Variants in LPP observed in about 807,000 individuals in gnomAD.
The protein encoded by LPP is LIM domain containing preferred translocation partner in lipoma, also known as lipoma-preferred partner.
A neutral mutation model predicts 60.4 loss-of-function variants in LPP; 38 were observed. That is an observed-to-expected ratio of 0.63 (90% CI 0.49 to 0.83). LPP has a LOEUF of 0.83. Among genes scored for constraint, LPP ranks in the 40% least tolerant of loss-of-function variants. The pLI, the probability that LPP is intolerant of heterozygous loss-of-function variation, is 0.00. For missense variants in LPP, 902 were observed against 783.6 expected (o/e 1.15, Z -1.80); for synonymous variants, 328 against 290.8 (o/e 1.13, Z -1.30).
intron 7 of LPP, among the ~76,000 whole-genome samples, chr3:188,685,444 G>T (rs188240634): frequency 6.6e-6 from 1 of 152,272 alleles, no homozygotes; most frequent in East Asian, 1.9e-4. Flanking sequence ...GGGTGTACAC[G>T]TAAGTAGAAG....
chr3:188,201,665 C>G (rs1363291374), intron 1 of LPP, among the ~76,000 whole-genome samples: 1 of 152,104 alleles, frequency 6.6e-6, no homozygotes, highest in Non-Finnish European at 1.5e-5. Flanking sequence ...TGAGATCATA[C>G]CACTGCACTC....
chr3:188,361,949 A>T (rs1311487343), intron 3 of LPP, among the ~76,000 whole-genome samples: 1 of 152,194 alleles, frequency 6.6e-6, no homozygotes, highest in Admixed American at 6.5e-5. Context: ...AGGAATAAAA[A>T]TATGGCTAAA....
intron 10 of LPP, among the ~76,000 whole-genome samples, chr3:188,867,792 C>T (rs1277223017): frequency 2.0e-5 from 3 of 152,120 alleles, no homozygotes; most frequent in Non-Finnish European, 4.4e-5. Flanking sequence ...TATTGCTCAC[C>T]AGGTTGGGTA....
intron 6 of LPP, among the ~76,000 whole-genome samples, chr3:188,583,663 G>A (rs1249127969): frequency 6.6e-6 from 1 of 152,120 alleles, no homozygotes; most frequent in African/African-American, 2.4e-5. Flanking sequence ...AAACTTCTTA[G>A]TCTCAGCTGC....
chr3:188,575,169 A>G (rs1834345231), intron 6 of LPP, among the ~76,000 whole-genome samples: 1 of 152,128 alleles, frequency 6.6e-6, no homozygotes, highest in African/African-American at 2.4e-5. Flanking sequence ...CAGTAATAAC[A>G]TGAGCACTGC....
Position 188,885,727 on chromosome 3 carries a change from A to G in LPP, c.*11248A>G, listed in dbSNP as rs1434284951. The G allele has an allele frequency of 6.6e-6, 1 of 152,398 alleles. No homozygotes were observed. Among genetic ancestry groups the G allele is most frequent in the African/African-American group, 2.4e-5 (1 of 41,442 alleles). The allele number at this position is 152,398 out of a possible 1,614,324, so 9.4% of individuals were successfully genotyped here. ...AGGAATCTCCACACTGACTTCCACAATGGTTGAACTAGTTCACAGTCCCAC... is the reference window on the plus strand; with the variant it reads ...AGGAATCTCCACACTGACTTCCACAGTGGTTGAACTAGTTCACAGTCCCAC... On this transcript the variant is annotated 3_prime_UTR_variant, in exon 12 of 12. Transcript: ENST00000617246.
intron 3 of LPP, among the ~76,000 whole-genome samples, chr3:188,392,442 ACT>A (rs1430445889): frequency 6.6e-6 from 1 of 152,152 alleles, no homozygotes; most frequent in African/African-American, 2.4e-5. Context: ...CCCTCGCTGC[ACT>A]GTTTTGACCC....
intron 7 of LPP, among the ~76,000 whole-genome samples, chr3:188,634,690 A>G (rs1351071130): frequency 6.6e-6 from 1 of 152,210 alleles, no homozygotes; most frequent in African/African-American, 2.4e-5. Flanking sequence ...TCCTTATGAG[A>G]ATCTAATGCC....
intron 5 of LPP, among the ~76,000 whole-genome samples, chr3:188,522,555 A>C (rs1819171683): frequency 6.6e-6 from 1 of 152,076 alleles, no homozygotes. Context: ...TAGGTCTTGA[A>C]AGAGAGTCCA....
At chr3:188,657,665 T>C (rs1353753036) in intron 7 of LPP, among the ~76,000 whole-genome samples, 1 of 152,064 alleles carries the variant, frequency 6.6e-6, no homozygotes, top group Non-Finnish European at 1.5e-5. Context: ...CTTCATGATA[T>C]CCATAGTTTG....
Position 188,745,387 on chromosome 3 carries a change from TC to T in LPP, c.1241-14725del, listed in dbSNP as rs1177620946. 8.5e-5 allele frequency among the ~76,000 whole-genome samples: 13 copies of T among 152,290 alleles called. No individual in the cohort carries two copies. The East Asian group carries it at 2.1e-3, about 25-fold the overall frequency. On this transcript the variant is annotated intron_variant, in intron 8 of 11. Coordinates refer to ENST00000617246, the MANE Select transcript of LPP (RefSeq NM_001375462.1). ...AAATGTTAAATTGAGTTAATTATTT[TC>T]AATCTTACAGGAAGTTACATAAGTC...
At chr3:188,534,045 C>T (rs970174356) in intron 6 of LPP, among the ~76,000 whole-genome samples, 11 of 152,138 alleles carry the variant, frequency 7.2e-5, no homozygotes, top group African/African-American at 2.7e-4. Context: ...TTGCATTGCA[C>T]CTCTACAAAG....
intron 4 of LPP, among the ~76,000 whole-genome samples, chr3:188,441,623 T>C (rs1428163341): frequency 8.5e-5 from 9 of 106,410 alleles, no homozygotes; most frequent in South Asian, 3.2e-4. Flanking sequence ...TTTTTTTTTT[T>C]TTTTTTTTTT....
chr3:188,285,079 CG>C (rs1444298120), intron 2 of LPP, among the ~76,000 whole-genome samples: 1 of 152,054 alleles, frequency 6.6e-6, no homozygotes, highest in Non-Finnish European at 1.5e-5. Flanking sequence ...TTGTGAGTCC[CG>C]GCCCTGCTTT....
chr3:188,522,544 C>G (rs983985283), intron 5 of LPP, among the ~76,000 whole-genome samples: 3 of 151,984 alleles, frequency 2.0e-5, no homozygotes, highest in Non-Finnish European at 4.4e-5. Context: ...CTTATTTGGG[C>G]TAGGTCTTGA....
chr3:188,729,892 G>A (rs1220462522), intron 8 of LPP, among the ~76,000 whole-genome samples: 1 of 151,920 alleles, frequency 6.6e-6, no homozygotes, highest in Non-Finnish European at 1.5e-5. Flanking sequence ...GTGGAGGTGG[G>A]AGGAGGATCA....
At chr3:188,695,520 A>T (rs1863052457) in intron 7 of LPP, among the ~76,000 whole-genome samples, 1 of 152,198 alleles carries the variant, frequency 6.6e-6, no homozygotes, top group African/African-American at 2.4e-5. Context: ...CCACTGTCAA[A>T]TATTAGCACA....
chr3:188,740,604 G>A (rs1209568653), intron 8 of LPP, among the ~76,000 whole-genome samples: 1 of 151,914 alleles, frequency 6.6e-6, no homozygotes, highest in African/African-American at 2.4e-5. Context: ...ACAATAACTG[G>A]TAAGAGATGA....
chr3:188,712,876 C>A (rs1369336182), intron 8 of LPP: 3 of 151,876 alleles, frequency 2.0e-5, no homozygotes. Context: ...GCTTTGCTTC[C>A]AAGACACTCT....
Sources: allele counts gnomAD v4.1 joint callset (sites outside exome capture counted in the v4.1 genomes callset), GRCh38; gene constraint gnomAD v4.1.1; transcripts MANE v1.5; gene names NCBI Gene and HGNC (gene_info 2026-07-23, HGNC 2026-07-21).